The following PSMD4 variants were observed in gnomAD, a reference collection of about 807,000 sequenced individuals.
PSMD4 encodes the protein proteasome 26S subunit ubiquitin receptor, non-ATPase 4.
Under a neutral mutation model 39.7 loss-of-function variants are expected in PSMD4, and 5 were observed. The ratio of observed to expected loss-of-function variants is 0.13; its 90% CI spans 0.07 to 0.26. PSMD4 has a LOEUF of 0.26. Ranked by LOEUF, PSMD4 falls within the 10% of genes least tolerant of loss-of-function variation. The pLI, the probability that PSMD4 is intolerant of heterozygous loss-of-function variation, is 1.00. For missense variants in PSMD4, 272 were observed against 486.1 expected, an observed-to-expected ratio of 0.56 and a Z score of 4.14; for synonymous variants, 143 against 174.6, an observed-to-expected ratio of 0.82 and a Z score of 1.43.
intron 1 of PSMD4, among the ~76,000 whole-genome samples, chr1:151,257,253 G>A (rs1693197042): frequency 6.6e-6 from 1 of 152,132 alleles, no homozygotes; most frequent in Non-Finnish European, 1.5e-5. Flanking sequence ...GGTCATAGGT[G>A]TGCGGCTTTA....
intron 7 of PSMD4, 89 bp downstream of exon 7, chr1:151,266,201 C>T (rs942761541): frequency 6.3e-7 from 1 of 1,592,710 alleles, no homozygotes; most frequent in African/African-American, 1.3e-5. Context: ...GTGTGGAGGT[C>T]TGACAGGGTA....
At chr1:151,266,230 G>A in intron 7 of PSMD4, 78 bp from the exon 8 acceptor site, 1 of 1,603,972 alleles carries the variant, frequency 6.2e-7, no homozygotes, top group Non-Finnish European at 8.5e-7. Context: ...TGGGAGGGCT[G>A]GGCTAGGAAT....
Position 151,266,097 on chromosome 1 carries a change from A to G in PSMD4, c.748A>G (p.Thr250Ala), listed in dbSNP as rs760939679. The G allele has an allele frequency of 6.9e-6, 11 of 1,605,274 alleles. No homozygotes were observed. Among genetic ancestry groups the G allele is most frequent in the Non-Finnish European group, 9.4e-6 (11 of 1,176,394 alleles). ...AASAAEAGIA[T>A]TGTEDSDDAL... ...TTCTGCTGCTGAGGCCGGGATTGCT[A>G]CGACTGGGACTGAAGGTGAAAGAGG... Residue 250 changes from threonine to alanine, a missense_variant, in exon 7 of 10, where the codon ACG (threonine) becomes GCG (alanine). Thr to Ala is a moderately conservative substitution (Grantham distance 58). Transcript: ENST00000368884.
intron 9 of PSMD4, 80 bp from the exon 10 acceptor site, chr1:151,267,093 G>A (rs1340532060): frequency 3.6e-5 from 55 of 1,539,634 alleles, no homozygotes; most frequent in Non-Finnish European, 2.7e-6. Context: ...GCCTCTGGCA[G>A]CGGCATGCTC....
chr1:151,260,318 A>T (rs748209732), intron 1 of PSMD4, among the ~76,000 whole-genome samples: 11 of 152,116 alleles, frequency 7.2e-5, no homozygotes, highest in Non-Finnish European at 1.3e-4. Flanking sequence ...TCAAGAATTG[A>T]TCCTTACAGG....
At chr1:151,265,098 A>G in intron 4 of PSMD4, 68 bp from the exon 5 acceptor site, 7 of 1,379,098 alleles carry the variant, frequency 5.1e-6, no homozygotes, top group Non-Finnish European at 6.9e-6. Context: ...GTATGCTTTT[A>G]TGCGGCGGGT....
chr1:151,256,301 G>A (rs1693163406), intron 1 of PSMD4, among the ~76,000 whole-genome samples: 1 of 144,690 alleles, frequency 6.9e-6, no homozygotes, highest in South Asian at 2.2e-4. Context: ...CCGAGATGGC[G>A]CCACTGCACT....
At chr1:151,266,701 C>A in intron 9 of PSMD4, 114 bp downstream of exon 9, 2 of 1,263,258 alleles carry the variant, frequency 1.6e-6, no homozygotes, top group Non-Finnish European at 2.3e-6. Flanking sequence ...CAGAGGGAAA[C>A]ACATGGATTT....
rs1431017980 is a variant in PSMD4 at position 151,264,907 on chromosome 1, A to G, written c.358A>G (p.Asn120Asp). The change falls in exon 4 of 10, where the codon AAT becomes GAT. Residue 120 changes from asparagine (N) to aspartate (D), a missense_variant. By Grantham distance (23) the Asn-to-Asp change is conservative. Around this residue, in one of 3 missense-constraint regions of PSMD4, gnomAD observed 153 missense variants for 257.6 expected, o/e 0.59. Coordinates refer to ENST00000368884, the MANE Select transcript of PSMD4 (RefSeq NM_002810.4). ...CTTTGTGGGAAGCCCAGTGGAGGAC[A>G]ATGAGAAGGATGTGAGTCCAAGTGG... Reference protein sequence around the residue: ...IAFVGSPVEDNEKDLVKLAKR... With the variant: ...IAFVGSPVEDDEKDLVKLAKR... The G allele has an allele frequency of 5.6e-6, 9 of 1,612,030 alleles. No homozygotes were observed. In the South Asian group the frequency reaches 7.7e-5, roughly 14 times the overall value.
intron 2 of PSMD4, chr1:151,263,681 A>G: frequency 3.6e-6 from 1 of 275,972 alleles, no homozygotes; most frequent in South Asian, 5.3e-5. Context: ...AATACAAAAA[A>G]TTAGCCAGGC....
intron 1 of PSMD4, among the ~76,000 whole-genome samples, chr1:151,256,978 C>A (rs1329212577): frequency 2.7e-5 from 4 of 147,078 alleles, no homozygotes; most frequent in Non-Finnish European, 6.0e-5. Flanking sequence ...CGAACTCCCA[C>A]CCTCAGGTGA....
chr1:151,256,427 TGCCCA>T (rs1693171838), intron 1 of PSMD4, among the ~76,000 whole-genome samples: 1 of 150,086 alleles, frequency 6.7e-6, no homozygotes, highest in Non-Finnish European at 1.5e-5. Flanking sequence ...TCATGTCCTT[TGCCCA>T]CTTTTTTTTT....
chr1:151,266,141 G>A, intron 7 of PSMD4, 29 bp downstream of exon 7: 1 of 1,596,026 alleles, frequency 6.3e-7, no homozygotes, highest in Non-Finnish European at 8.5e-7. Context: ...GAAGTCCTGG[G>A]ACTGCGGGAT....
chr1:151,260,239 G>A (rs1693284059), intron 1 of PSMD4, among the ~76,000 whole-genome samples: 1 of 151,800 alleles, frequency 6.6e-6, no homozygotes. Flanking sequence ...TCTCATCTAA[G>A]GCACTGCTTC....
Position 151,266,099 on chromosome 1 carries a change from G to A in PSMD4, c.750G>A (p.Thr250=), listed in dbSNP as rs41269696. Residue 250 remains threonine (T), a synonymous_variant, in exon 7 of 10, where the codon ACG becomes ACA. Transcript: ENST00000368884. The part of the protein sequence containing the change: ...AASAAEAGIA[T]TGTEDSDDAL... ...CTGCTGCTGAGGCCGGGATTGCTAC[G>A]ACTGGGACTGAAGGTGAAAGAGGTG... The A allele has an allele frequency of 6.4e-3, 10,258 of 1,605,124 alleles. 64 individuals are homozygous for A. Among genetic ancestry groups the A allele is most frequent in the Middle Eastern group, 0.011 (65 of 5,956 alleles).
chr1:151,258,451 G>GTTTTTTT (rs869128528), intron 1 of PSMD4, among the ~76,000 whole-genome samples: 5 of 99,590 alleles, frequency 5.0e-5, no homozygotes, highest in African/African-American at 2.1e-4. Flanking sequence ...CTTTTCGAGT[G>GTTTTTTT]TTTTTTTTTT....
chr1:151,259,697 T>C (rs1693271334), intron 1 of PSMD4, among the ~76,000 whole-genome samples: 1 of 151,758 alleles, frequency 6.6e-6, no homozygotes, highest in Non-Finnish European at 1.5e-5. Context: ...GTGACTAGCC[T>C]GGGCAACAAA....
chr1:151,259,832 C>T (rs1005265768), intron 1 of PSMD4, among the ~76,000 whole-genome samples: 2 of 152,070 alleles, frequency 1.3e-5, no homozygotes, highest in African/African-American at 4.8e-5. Context: ...TCTCCCTTCT[C>T]GGCCTCCCAA....
chr1:151,266,649 G>C (rs1026660790), intron 9 of PSMD4, 62 bp downstream of exon 9: 3 of 1,559,916 alleles, frequency 1.9e-6, no homozygotes, highest in Non-Finnish European at 2.6e-6. Context: ...TCATCCCTCT[G>C]GGGCTGGGAG....
Sources: gnomAD v4.1 joint callset for allele counts (sites outside exome capture counted in the v4.1 genomes callset) on GRCh38, gnomAD v4.1.1 for gene constraint, gnomAD v4.1.1 regional missense constraint, MANE v1.5 for transcripts, NCBI Gene and HGNC (gene_info 2026-07-23, HGNC 2026-07-21) for gene names.